Variants in CCDC171 observed in about 807,000 individuals in gnomAD.
The protein encoded by CCDC171 is coiled-coil domain containing 171.
In CCDC171, 177 loss-of-function variants were observed where a neutral mutation model predicts 168.2. The ratio of observed to expected loss-of-function variants is 1.05; its 90% confidence interval spans 0.93 to 1.19. CCDC171 has a LOEUF of 1.19. Among genes scored for constraint, CCDC171 ranks in the 50% most tolerant of loss-of-function variants. The pLI is 0.00. For synonymous variants in CCDC171, 687 were observed against 540.8 expected, an observed-to-expected ratio of 1.27 and a Z score of -3.75; for missense variants, 1,991 against 1,539.0, an observed-to-expected ratio of 1.29 and a Z score of -4.91.
chr9:15,880,284 T>TCCAA (rs1818442029), intron 24 of CCDC171, among the ~76,000 whole-genome samples: 1 of 152,206 alleles, frequency 6.6e-6, no homozygotes, highest in South Asian at 2.1e-4. Context: ...TCCAAAGTTG[T>TCCAA]TGTCTATAGG....
intron 25 of CCDC171, among the ~76,000 whole-genome samples, chr9:15,941,664 T>C (rs1340560708): frequency 6.6e-6 from 1 of 151,992 alleles, no homozygotes; most frequent in Non-Finnish European, 1.5e-5. Context: ...TGTACATTTA[T>C]TGAAAATCAA....
intron 4 of CCDC171, among the ~76,000 whole-genome samples, chr9:15,581,803 C>T (rs7856853): frequency 0.013 from 1,998 of 152,070 alleles, 67 homozygotes; most frequent in African/African-American, 0.045. Flanking sequence ...AAGACTTAAA[C>T]GTAAGACCTA....
intron 1 of CCDC171, among the ~76,000 whole-genome samples, chr9:15,558,432 G>A (rs1302054170): frequency 2.0e-5 from 3 of 152,004 alleles, no homozygotes; most frequent in East Asian, 1.9e-4. Context: ...GTCTTTTCAG[G>A]GATTCAACTT....
chr9:15,844,659 G>A (rs2130705199), intron 21 of CCDC171, among the ~76,000 whole-genome samples: 1 of 151,926 alleles, frequency 6.6e-6, no homozygotes, highest in East Asian at 1.9e-4. Context: ...TCTTTTCTAT[G>A]CCCCTGAAAT....
At chr9:15,960,415 G>A (rs1830227686) in intron 25 of CCDC171, among the ~76,000 whole-genome samples, 1 of 152,096 alleles carries the variant, frequency 6.6e-6, no homozygotes, top group Admixed American at 6.6e-5. Flanking sequence ...TACTAAGAGG[G>A]GATATGGGTT....
chr9:15,897,702 T>C (rs1821095049), intron 24 of CCDC171, among the ~76,000 whole-genome samples: 1 of 152,136 alleles, frequency 6.6e-6, no homozygotes, highest in Admixed American at 6.6e-5. Flanking sequence ...AGAACATGGA[T>C]CAATAAAAGA....
chr9:15,600,849 C>A (rs2131637562), intron 6 of CCDC171, among the ~76,000 whole-genome samples: 1 of 152,350 alleles, frequency 6.6e-6, no homozygotes. Flanking sequence ...GCGTCCCTCC[C>A]CCAGCCTCGC....
the CCDC171 span, among the ~76,000 whole-genome samples, chr9:16,095,833 C>G: frequency 7.0e-6 from 1 of 143,028 alleles, no homozygotes; most frequent in Non-Finnish European, 1.5e-5. Context: ...CACACACCCA[C>G]ATAGACATGT....
chr9:16,087,522 G>C, the CCDC171 span, among the ~76,000 whole-genome samples: 16 of 140,248 alleles, frequency 1.1e-4, no homozygotes, highest in Non-Finnish European at 2.2e-4. Context: ...TTGGTTTAAA[G>C]TCTGTTTTAT....
intron 8 of CCDC171, among the ~76,000 whole-genome samples, chr9:15,665,027 C>T (rs2048626388): frequency 1.3e-5 from 2 of 152,136 alleles, no homozygotes; most frequent in East Asian, 3.8e-4. Flanking sequence ...GTAAAATGAA[C>T]TTCCCACATA....
rs781134007 is a variant in CCDC171, at chr9:15,579,046, C to T, written c.352+23C>T. On this transcript the variant is annotated intron_variant, in intron 4 of 25. Transcript: ENST00000380701. ...GTGGTAAGACTGTTTCTATTTCTTC[C>T]CAAGTTTAGGGTTGTAACCTGATTG... 4 of 1,603,176 alleles carry T rather than the reference C, an allele frequency of 2.5e-6. No individual in the cohort carries two copies. The South Asian group carries it at 4.4e-5, about 18-fold the overall frequency.
At chr9:15,793,479 C>A (rs200068202) in intron 21 of CCDC171, among the ~76,000 whole-genome samples, 3 of 151,500 alleles carry the variant, frequency 2.0e-5, no homozygotes, top group Admixed American at 6.6e-5. Context: ...CCTAGTAGAC[C>A]TCTACAGAAC....
At chr9:15,650,247 C>G (rs1316625846) in intron 7 of CCDC171, among the ~76,000 whole-genome samples, 2 of 151,836 alleles carry the variant, frequency 1.3e-5, no homozygotes, top group Admixed American at 6.6e-5. Context: ...CGGGGCCTGT[C>G]GTGGGGTGGA....
rs1554714957 is a variant in CCDC171, at chr9:15,623,475, GCACACACACA to G, written c.822+85_822+94del. ...CAAACTTTCACATATGCGCGCGCGC[GCACACACACA>G]CACACACACACACACACACACATAA... On this transcript the variant is annotated intron_variant, in intron 7 of 25. Transcript: ENST00000380701. 75 of 315,432 alleles carry G rather than the reference GCACACACACA, an allele frequency of 2.4e-4. 3 individuals carry two copies. The highest frequency in any genetic ancestry group is 6.1e-4 in the Admixed American group (12 of 19,748). 19.5% of individuals were successfully genotyped at this position (315,432 alleles called of 1,614,324 possible).
chr9:16,062,034 T>C (rs1205112220), downstream of CCDC171, among the ~76,000 whole-genome samples: 1 of 152,160 alleles, frequency 6.6e-6, no homozygotes, highest in Admixed American at 6.5e-5. Context: ...AATTGTACAA[T>C]TCACTGTCTT....
intron 25 of CCDC171, among the ~76,000 whole-genome samples, chr9:15,950,112 A>T (rs1397576614): frequency 6.6e-6 from 1 of 152,178 alleles, no homozygotes; most frequent in East Asian, 1.9e-4. Flanking sequence ...CCTCCAAGAA[A>T]TATGGGACTA....
At chr9:15,626,404 G>C (rs575119783) in intron 7 of CCDC171, among the ~76,000 whole-genome samples, 26 of 152,270 alleles carry the variant, frequency 1.7e-4, no homozygotes, top group Non-Finnish European at 3.4e-4. Context: ...TTTTCAAAGG[G>C]AATGCTTCCA....
At chr9:15,988,313 GA>G (rs1832063827) in intron 3 of CCDC171, among the ~76,000 whole-genome samples, 1 of 152,156 alleles carries the variant, frequency 6.6e-6, no homozygotes, top group Non-Finnish European at 1.5e-5. Context: ...ACCCTTGAGG[GA>G]CCAGGAAGTG....
chr9:15,676,667 T>C (rs2049593848), intron 9 of CCDC171, among the ~76,000 whole-genome samples: 1 of 152,204 alleles, frequency 6.6e-6, no homozygotes, highest in Non-Finnish European at 1.5e-5. Flanking sequence ...TTATTCTTTA[T>C]TTGATTTTCT....
Sources: allele counts gnomAD v4.1 joint callset (sites outside exome capture counted in the v4.1 genomes callset), GRCh38; gene constraint gnomAD v4.1.1; transcripts MANE v1.5; gene names NCBI Gene and HGNC (gene_info 2026-07-23, HGNC 2026-07-21).